Variants in SGCZ observed in about 807,000 individuals in gnomAD.
SGCZ encodes zeta-sarcoglycan.
In SGCZ, 40 loss-of-function variants were observed where a neutral mutation model predicts 41.3. The observed-to-expected ratio is 0.97, with a 90% CI of 0.75 to 1.26. SGCZ has a LOEUF of 1.26. Ranked by LOEUF, SGCZ falls within the 50% of genes most tolerant of loss-of-function variation. The pLI is 0.00. For missense variants in SGCZ, 552 were observed against 369.8 expected (o/e 1.49, Z -4.04); for synonymous variants, 206 against 137.5 (o/e 1.50, Z -3.49).
chr8:14,128,751 ACTC>A (rs1178224912), intron 5 of SGCZ, among the ~76,000 whole-genome samples: 6 of 152,102 alleles, frequency 3.9e-5, no homozygotes, highest in African/African-American at 9.6e-5. Flanking sequence ...GACTACTACT[ACTC>A]AGCCATAAAA....
intron 1 of SGCZ, among the ~76,000 whole-genome samples, chr8:14,902,554 G>A (rs560927441): frequency 9.2e-5 from 14 of 152,198 alleles, no homozygotes; most frequent in Admixed American, 7.9e-4. Flanking sequence ...AAAATGGCAA[G>A]AGCATCTTTC....
intron 2 of SGCZ, among the ~76,000 whole-genome samples, chr8:14,528,798 T>G (rs1446759153): frequency 3.7e-5 from 5 of 136,444 alleles, no homozygotes; most frequent in African/African-American, 1.1e-4. Context: ...ACTACTGTCT[T>G]AGGTAATAAC....
chr8:14,827,274 T>A (rs1037983945), intron 1 of SGCZ, among the ~76,000 whole-genome samples: 1 of 149,190 alleles, frequency 6.7e-6, no homozygotes, highest in Non-Finnish European at 1.5e-5. Context: ...TCTCACTCTG[T>A]CACCCAGGCT....
chr8:14,528,540 G>C (rs368948367), intron 2 of SGCZ, among the ~76,000 whole-genome samples: 4 of 152,138 alleles, frequency 2.6e-5, no homozygotes, highest in African/African-American at 9.6e-5. Context: ...AGTAAGTCTC[G>C]TTGGCCATTC....
At chr8:14,876,871 C>A (rs151203566) in intron 1 of SGCZ, among the ~76,000 whole-genome samples, 8 of 152,136 alleles carry the variant, frequency 5.3e-5, no homozygotes, top group Admixed American at 4.6e-4. Context: ...GTTTAGAGGT[C>A]CCCCCGCCCT....
At chr8:14,188,926 G>A (rs1448075380) in intron 4 of SGCZ, among the ~76,000 whole-genome samples, 1 of 150,186 alleles carries the variant, frequency 6.7e-6, no homozygotes, top group Non-Finnish European at 1.5e-5. Flanking sequence ...CCATCACCCG[G>A]GTTCGAGCAA....
intron 1 of SGCZ, among the ~76,000 whole-genome samples, chr8:14,704,670 G>C (rs1330153415): frequency 6.6e-6 from 1 of 151,786 alleles, no homozygotes; most frequent in Non-Finnish European, 1.5e-5. Flanking sequence ...AGAGAATTGT[G>C]GTGTAACCCA....
rs1165433195 is a variant in SGCZ, at chr8:14,088,535, C to G, written c.*1908G>C. Among the ~76,000 whole-genome samples, 1 of 151,648 alleles carries G rather than the reference C, an allele frequency of 6.6e-6. No homozygotes were observed. The highest frequency in any genetic ancestry group is 2.4e-5 in the African/African-American group (1 of 41,358). ...TTTTGCAAAGACCAATGTGAGATTT[C>G]TTATATTAAATTCTCTTATTTTAAT... On this transcript the variant is annotated 3_prime_UTR_variant, in exon 8 of 8. Transcript: ENST00000382080.
chr8:14,106,504 T>A (rs1305824854), intron 6 of SGCZ, among the ~76,000 whole-genome samples: 1 of 152,188 alleles, frequency 6.6e-6, no homozygotes. Context: ...GAATCTGTGT[T>A]ACTCAAGTAG....
intron 1 of SGCZ, among the ~76,000 whole-genome samples, chr8:14,842,857 G>A (rs1457128482): frequency 6.6e-6 from 1 of 152,158 alleles, no homozygotes; most frequent in Non-Finnish European, 1.5e-5. Context: ...ATGCTCCAGG[G>A]GAGACTGAAA....
At chr8:14,311,361 C>T (rs575377961) in intron 3 of SGCZ, among the ~76,000 whole-genome samples, 52 of 152,228 alleles carry the variant, frequency 3.4e-4, no homozygotes, top group Non-Finnish European at 6.3e-4. Flanking sequence ...TATCATTCTG[C>T]AGCTGAAGTA....
intron 4 of SGCZ, among the ~76,000 whole-genome samples, chr8:14,231,339 G>C (rs1054650776): frequency 9.9e-5 from 15 of 151,934 alleles, no homozygotes; most frequent in Non-Finnish European, 1.5e-5. Flanking sequence ...GCCCAGTTAA[G>C]AGTCTTAGGG....
At chr8:15,015,677 G>T (rs1160078060) in intron 1 of SGCZ, among the ~76,000 whole-genome samples, 1 of 98,338 alleles carries the variant, frequency 1.0e-5, no homozygotes, top group African/African-American at 3.9e-5. Flanking sequence ...AACAGAGAGA[G>T]ACTCCATCTC....
At chr8:14,107,138 C>T (rs138738208) in intron 6 of SGCZ, among the ~76,000 whole-genome samples, 26 of 151,916 alleles carry the variant, frequency 1.7e-4, no homozygotes, top group Admixed American at 1.5e-3. Flanking sequence ...ATGGCGTGAA[C>T]CTGCGAGGCG....
chr8:15,099,495 G>T (rs1806519468), intron 1 of SGCZ, among the ~76,000 whole-genome samples: 1 of 151,994 alleles, frequency 6.6e-6, no homozygotes, highest in African/African-American at 2.4e-5. Flanking sequence ...AAAGCTCAAG[G>T]GCCAGTAGTT....
rs1804783058 is a variant in SGCZ, at chr8:15,058,125, G to C, written c.39+179460C>G. On this transcript the variant is annotated intron_variant, in intron 1 of 7. Coordinates refer to ENST00000382080, the MANE Select transcript of SGCZ (RefSeq NM_139167.4). ...AAGTAGATGGAGCTATCACATTTTA[G>C]TAGGAAGGTACCAACCATACACATG... 5.3e-5 allele frequency among the ~76,000 whole-genome samples: 8 copies of C among 152,284 alleles called. No homozygotes were observed. In the South Asian group the frequency reaches 1.5e-3, roughly 28 times the overall value.
At chr8:14,366,601 C>T (rs765083947) in intron 2 of SGCZ, among the ~76,000 whole-genome samples, 6 of 152,012 alleles carry the variant, frequency 3.9e-5, no homozygotes, top group Non-Finnish European at 5.9e-5. Flanking sequence ...CAACGGTCCC[C>T]CCAAAATCTT....
chr8:15,035,236 G>C (rs78735084), intron 1 of SGCZ, among the ~76,000 whole-genome samples: 5,043 of 152,232 alleles, frequency 0.033, 269 homozygotes, highest in African/African-American at 0.11. Flanking sequence ...AAAGCATACA[G>C]TGTTTAATGC....
intron 4 of SGCZ, among the ~76,000 whole-genome samples, chr8:14,185,746 T>C (rs1305157583): frequency 1.3e-5 from 2 of 152,198 alleles, no homozygotes; most frequent in Non-Finnish European, 2.9e-5. Flanking sequence ...TATTTACATG[T>C]CCTGGAGCTC....
Sources: allele counts gnomAD v4.1 joint callset (sites outside exome capture counted in the v4.1 genomes callset), GRCh38; gene constraint gnomAD v4.1.1; transcripts MANE v1.5; gene names NCBI Gene and HGNC (gene_info 2026-07-23, HGNC 2026-07-21).